TTLL11: variants seen among roughly 807,000 people sequenced by gnomAD.
TTLL11 encodes the protein tubulin polyglutamylase TTLL11.
Under a neutral mutation model 51.7 loss-of-function variants are expected in TTLL11, and 42 were observed. That is an observed-to-expected ratio of 0.81 (90% CI 0.64 to 1.05). The LOEUF is 1.05. Ranked by LOEUF, TTLL11 falls within the 50% of genes least tolerant of loss-of-function variation. The probability of loss-of-function intolerance (pLI) is 0.00; values close to 1 mark genes in which losing one functional copy is unlikely to be tolerated. For synonymous variants in TTLL11, 381 were observed against 383.5 expected (o/e 0.99, Z 0.08); for missense variants, 799 against 940.4 (o/e 0.85, Z 1.97).
At chr9:121,886,160 C>T (rs971449477) in intron 6 of TTLL11, among the ~76,000 whole-genome samples, 1 of 152,190 alleles carries the variant, frequency 6.6e-6, no homozygotes, top group Admixed American at 6.5e-5. Flanking sequence ...CAGAGCTGAC[C>T]AGCCTGGGTT....
intron 3 of TTLL11, among the ~76,000 whole-genome samples, chr9:121,998,475 G>A (rs999975690): frequency 2.6e-5 from 4 of 151,876 alleles, no homozygotes; most frequent in Admixed American, 6.6e-5. Context: ...CAGTAGAGAC[G>A]GAGTTTCACT....
In TTLL11 at chr9:121,952,444, C is replaced by CA. The variant is rs67882979; in HGVS notation, c.1481+21564dup. Among the ~76,000 whole-genome samples the CA allele has an allele frequency of 9.7e-3, 1,180 of 121,868 alleles. 20 individuals are homozygous for CA. Among genetic ancestry groups the CA allele is most frequent in the African/African-American group, 0.033 (1,038 of 31,116 alleles). 80.0% of individuals were successfully genotyped at this position (121,868 alleles called of 152,430 possible). A position where few individuals can be genotyped will look rare whatever the true frequency, so the allele number is the denominator to read the frequency against. On this transcript the variant is annotated intron_variant, in intron 6 of 8. Transcript: ENST00000321582. ...CTGGTGACAGAGCAAGACTCCGCCTCAAAAAAAAAAAAAAAAAAACTGGAG... is the reference window on the plus strand; with the variant it reads ...CTGGTGACAGAGCAAGACTCCGCCTCAAAAAAAAAAAAAAAAAAAACTGGAG...
intron 8 of TTLL11, among the ~76,000 whole-genome samples, chr9:121,826,499 G>GTATATATATA (rs1564260337): frequency 9.1e-5 from 4 of 43,834 alleles, no homozygotes; most frequent in East Asian, 1.4e-3. Context: ...ATATATGTGT[G>GTATATATATA]TGTATATATA....
chr9:121,819,744 C>T lies in TTLL11; in HGVS notation c.*2843G>A, dbSNP rs76888590. 0.026 allele frequency among the ~76,000 whole-genome samples: 3,975 copies of T among 152,204 alleles called. 112 individuals carry two copies. Among genetic ancestry groups the T allele is most frequent in the African/African-American group, 0.071 (2,956 of 41,510 alleles). Reference sequence around the variant, plus strand: ...CGTGCCTCTGGGCCAGCCAGACTCCCGGCTCTACTTCCTATCTTCTCGGAG... The same window carrying T: ...CGTGCCTCTGGGCCAGCCAGACTCCTGGCTCTACTTCCTATCTTCTCGGAG... On this transcript the variant is annotated 3_prime_UTR_variant, in exon 9 of 9. Transcript: ENST00000321582.
chr9:121,913,178 C>T (rs1337798306), intron 6 of TTLL11, among the ~76,000 whole-genome samples: 1 of 152,190 alleles, frequency 6.6e-6, no homozygotes, highest in African/African-American at 2.4e-5. Flanking sequence ...ATCATAAGAG[C>T]ATTTTCCACA....
At chr9:121,986,522 C>T (rs1184245368) in intron 4 of TTLL11, among the ~76,000 whole-genome samples, 1 of 152,146 alleles carries the variant, frequency 6.6e-6, no homozygotes, top group East Asian at 1.9e-4. Context: ...CCCTTTTCTC[C>T]TTTCTAATGT....
chr9:122,056,043 T>C (rs986935419), intron 1 of TTLL11, among the ~76,000 whole-genome samples: 10 of 152,218 alleles, frequency 6.6e-5, no homozygotes, highest in East Asian at 3.9e-4. Flanking sequence ...ATATCCCCCA[T>C]TCTGCAAATC....
intron 3 of TTLL11, among the ~76,000 whole-genome samples, chr9:121,996,824 G>A (rs1033732306): frequency 1.3e-5 from 2 of 152,188 alleles, no homozygotes; most frequent in African/African-American, 2.4e-5. Flanking sequence ...TTGATGCTCT[G>A]CAAAGATATT....
At chr9:121,942,879 C>A (rs1349799208) in intron 6 of TTLL11, among the ~76,000 whole-genome samples, 1 of 151,930 alleles carries the variant, frequency 6.6e-6, no homozygotes, top group Non-Finnish European at 1.5e-5. Context: ...CAACCAAGCT[C>A]CAACATCCCC....
chr9:122,018,423 C>T (rs112835228), intron 3 of TTLL11, among the ~76,000 whole-genome samples: 1,812 of 152,200 alleles, frequency 0.012, 31 homozygotes, highest in African/African-American at 0.041. Flanking sequence ...GTAATAATGC[C>T]ATATTCTTAA....
At chr9:122,054,097 GCCATTCAT>G (rs35665908) in intron 1 of TTLL11, among the ~76,000 whole-genome samples, 13,468 of 152,120 alleles carry the variant, frequency 0.089, 823 homozygotes, top group African/African-American at 0.15. Flanking sequence ...GGGTAAGCGT[GCCATTCAT>G]CCTTCACTGA....
chr9:121,932,855 G>A (rs1285582471), intron 6 of TTLL11, among the ~76,000 whole-genome samples: 2 of 152,104 alleles, frequency 1.3e-5, no homozygotes, highest in East Asian at 1.9e-4. Context: ...ACATCTCAGC[G>A]ATTTCCAACT....
At chr9:122,014,276 A>G (rs1288232423) in intron 3 of TTLL11, among the ~76,000 whole-genome samples, 1 of 152,134 alleles carries the variant, frequency 6.6e-6, no homozygotes, top group Non-Finnish European at 1.5e-5. Context: ...GAGGCAGGAA[A>G]ATTGCTCGAA....
At chr9:121,906,178 T>A (rs1839938196) in intron 6 of TTLL11, among the ~76,000 whole-genome samples, 2 of 152,330 alleles carry the variant, frequency 1.3e-5, no homozygotes, top group Middle Eastern at 3.4e-3. Context: ...TGAAGATTTG[T>A]ATCTCTAATT....
chr9:121,904,036 CAT>C (rs2131482043), intron 6 of TTLL11, among the ~76,000 whole-genome samples: 1 of 152,338 alleles, frequency 6.6e-6, no homozygotes, highest in East Asian at 1.9e-4. Context: ...GTCCATGAAA[CAT>C]AAACCGCGTT....
In TTLL11 at chr9:121,914,456, T is replaced by G. The variant is rs111511042; in HGVS notation, c.1482-43708A>C. Among the ~76,000 whole-genome samples, 315 of 152,332 alleles carry G rather than the reference T, an allele frequency of 2.1e-3. 2 individuals carry two copies. Among genetic ancestry groups the G allele is most frequent in the African/African-American group, 7.0e-3 (290 of 41,574 alleles). On this transcript the variant is annotated intron_variant, in intron 6 of 8. Coordinates refer to ENST00000321582, the MANE Select transcript of TTLL11 (RefSeq NM_001139442.2). ...GGAATGACGGTTGATGAAGATACAG[T>G]CCACAGTTTCAAGGAGCTTAAAATC...
Position 121,989,069 on chromosome 9 carries a change from C to G in TTLL11, c.1269+126G>C. 6.6e-7 allele frequency: 1 copy of G among 1,513,460 alleles called. No individual in the cohort carries two copies. Among genetic ancestry groups the G allele is most frequent in the East Asian group, 2.3e-5 (1 of 43,886 alleles). 93.8% of individuals were successfully genotyped at this position (1,513,460 alleles called of 1,614,324 possible). ...GGCCCAGGTTTAACACCCAAGCCCACAGCACCACCAACACTGTCCCCTCCT... is the reference window on the plus strand; with the variant it reads ...GGCCCAGGTTTAACACCCAAGCCCAGAGCACCACCAACACTGTCCCCTCCT... On this transcript the variant is annotated intron_variant, in intron 4 of 8. Transcript: ENST00000321582. The surrounding 1 kb of genome is among the most constrained non-coding windows in gnomAD (Gnocchi z 4.2).
chr9:122,045,701 C>G (rs958341403), intron 1 of TTLL11, among the ~76,000 whole-genome samples: 2 of 152,134 alleles, frequency 1.3e-5, no homozygotes, highest in Non-Finnish European at 2.9e-5. Flanking sequence ...TATATAAATA[C>G]AATAGAAAAT....
At chr9:121,932,689 C>T (rs1332013540) in intron 6 of TTLL11, among the ~76,000 whole-genome samples, 3 of 146,848 alleles carry the variant, frequency 2.0e-5, no homozygotes, top group Admixed American at 6.8e-5. Context: ...TCTAGATAAC[C>T]CACTTTTTTT....
Sources: allele counts gnomAD v4.1 joint callset (sites outside exome capture counted in the v4.1 genomes callset), GRCh38; gene constraint gnomAD v4.1.1; non-coding constraint Gnocchi (gnomAD v3.1); transcripts MANE v1.5; gene names NCBI Gene and HGNC (gene_info 2026-07-23, HGNC 2026-07-21).